The following SH3BGRL variants were observed in gnomAD, a reference collection of about 807,000 sequenced individuals.
SH3BGRL encodes adapter SH3BGRL.
In SH3BGRL, 7 loss-of-function variants were observed where a neutral mutation model predicts 9.8. That is an observed-to-expected ratio of 0.72 (90% CI 0.41 to 1.35). The LOEUF (loss-of-function observed/expected upper bound fraction) is 1.35. Ranked by LOEUF, SH3BGRL falls within the 40% of genes most tolerant of loss-of-function variation. SH3BGRL has a pLI of 0.01. For synonymous variants in SH3BGRL, 36 were observed against 29.1 expected (o/e 1.24, Z -0.76); for missense variants, 73 against 84.4 (o/e 0.86, Z 0.53).
intron 1 of SH3BGRL, chrX:81,202,695 C>T: frequency 3.3e-6 from 1 of 305,686 alleles, no homozygotes; most frequent in Non-Finnish European, 4.4e-6. Flanking sequence ...GAGTGGAGGC[C>T]TACCGAGGCA....
At chrX:81,205,950 CTGATGGTTAG>C (rs2075546562) in intron 1 of SH3BGRL, among the ~76,000 whole-genome samples, 1 of 111,184 alleles carries the variant, frequency 9.0e-6, no homozygotes. Context: ...TTGCATTTTC[CTGATGGTTAG>C]TGATGCGGAA....
chrX:81,272,502 CTTTTTTT>C (rs748353277), intron 1 of SH3BGRL, among the ~76,000 whole-genome samples: 1 of 95,671 alleles, frequency 1.0e-5, no homozygotes, highest in African/African-American at 3.8e-5. Flanking sequence ...TTTTTCTTTT[CTTTTTTT>C]TTTTTTTTTG....
At chrX:81,279,471 G>A (rs1229929988) in intron 3 of SH3BGRL, among the ~76,000 whole-genome samples, 1 of 111,070 alleles carries the variant, frequency 9.0e-6, no homozygotes, top group East Asian at 2.8e-4. Flanking sequence ...GAAGTGGACT[G>A]CTCATGTAGG....
At chrX:81,243,774 T>C (rs771086846) in intron 1 of SH3BGRL, among the ~76,000 whole-genome samples, 22 of 111,760 alleles carry the variant, frequency 2.0e-4, no homozygotes, top group Non-Finnish European at 3.2e-4. Context: ...ACATATATTC[T>C]AATATATTTA....
At chrX:81,277,221 A>G (rs777924799) in intron 2 of SH3BGRL, 52 bp downstream of exon 2, 14 of 1,052,161 alleles carry the variant, frequency 1.3e-5, no homozygotes, top group African/African-American at 1.9e-5. Flanking sequence ...CCCCAAATCT[A>G]TCCATTATTT....
chrX:81,219,626 T>C (rs969566790), intron 1 of SH3BGRL, among the ~76,000 whole-genome samples: 1 of 111,927 alleles, frequency 8.9e-6, no homozygotes, highest in African/African-American at 3.2e-5. Flanking sequence ...TTCTCTTGTC[T>C]GATTGCTCTA....
intron 3 of SH3BGRL, among the ~76,000 whole-genome samples, chrX:81,295,767 C>T (rs1399608401): frequency 9.0e-6 from 1 of 111,661 alleles, no homozygotes; most frequent in Non-Finnish European, 1.9e-5. Flanking sequence ...TCATCTTCAT[C>T]AGAGACCACC....
rs373042280 is a variant in SH3BGRL at position 81,252,706 on chromosome X, A to T, written c.46-24278A>T. ...CACATTCAAAGCCGTCCTGGGCCACATGTGGCCCTTGGGTCCCCGGTTGGA... is the reference window on the plus strand; with the variant it reads ...CACATTCAAAGCCGTCCTGGGCCACTTGTGGCCCTTGGGTCCCCGGTTGGA... On this transcript the variant is annotated intron_variant, in intron 1 of 3. Transcript: ENST00000373212. Among the ~76,000 whole-genome samples the T allele has an allele frequency of 2.5e-4, 28 of 112,395 alleles. 1 individual carries two copies. The East Asian group carries it at 4.5e-3, about 18-fold the overall frequency.
intron 1 of SH3BGRL, among the ~76,000 whole-genome samples, chrX:81,260,348 A>G (rs1410856384): frequency 9.0e-6 from 1 of 111,337 alleles, no homozygotes; most frequent in Non-Finnish European, 1.9e-5. Context: ...CTCTTTATCT[A>G]TGAATTTGGA....
chrX:81,202,406 A>G, intron 1 of SH3BGRL, 161 bp downstream of exon 1: 2 of 992,978 alleles, frequency 2.0e-6, no homozygotes, highest in Non-Finnish European at 2.5e-6. Flanking sequence ...CCTTTGTTGC[A>G]TCGATTTCAT....
At chrX:81,241,395 G>A (rs2075668991) in intron 1 of SH3BGRL, among the ~76,000 whole-genome samples, 1 of 112,135 alleles carries the variant, frequency 8.9e-6, no homozygotes, top group Non-Finnish European at 1.9e-5. Flanking sequence ...TCTGAAATCT[G>A]GGGGCCAGGC....
intron 1 of SH3BGRL, among the ~76,000 whole-genome samples, chrX:81,206,222 T>C (rs2075547578): frequency 1.8e-5 from 2 of 111,271 alleles, no homozygotes; most frequent in Non-Finnish European, 3.8e-5. Flanking sequence ...TAGCTTAATA[T>C]AGTTCCATTT....
intron 1 of SH3BGRL, among the ~76,000 whole-genome samples, chrX:81,238,744 C>T (rs1462355839): frequency 1.8e-5 from 2 of 108,878 alleles, no homozygotes; most frequent in African/African-American, 6.7e-5. Context: ...TGGTGGTGGC[C>T]ACAGGGGTAC....
intron 1 of SH3BGRL, among the ~76,000 whole-genome samples, chrX:81,236,572 G>T (rs1442478920): frequency 2.7e-5 from 3 of 111,407 alleles, no homozygotes. Context: ...GGATCCATGG[G>T]AATGCGACTC....
chrX:81,207,512 G>A (rs2075551046), intron 1 of SH3BGRL, among the ~76,000 whole-genome samples: 1 of 112,117 alleles, frequency 8.9e-6, no homozygotes, highest in Non-Finnish European at 1.9e-5. Flanking sequence ...TCTTCATTAT[G>A]TGGTTCTCAA....
chrX:81,250,656 T>C (rs2075706809), intron 1 of SH3BGRL, among the ~76,000 whole-genome samples: 1 of 112,029 alleles, frequency 8.9e-6, no homozygotes, highest in Admixed American at 9.4e-5. Context: ...AACTATTTTT[T>C]TTCTCCTCGG....
At chrX:81,203,428 T>C (rs752846679) in intron 1 of SH3BGRL, among the ~76,000 whole-genome samples, 2 of 112,235 alleles carry the variant, frequency 1.8e-5, no homozygotes, top group Non-Finnish European at 3.8e-5. Context: ...AATTTTGGAA[T>C]ATCAGAAAAT....
chrX:81,258,529 A>G (rs929761437), intron 1 of SH3BGRL, among the ~76,000 whole-genome samples: 1 of 112,457 alleles, frequency 8.9e-6, no homozygotes, highest in Non-Finnish European at 1.9e-5. Flanking sequence ...TCCAAGGCAT[A>G]TGATAGTGCT....
intron 1 of SH3BGRL, among the ~76,000 whole-genome samples, chrX:81,271,159 T>A (rs2075778067): frequency 1.8e-5 from 2 of 111,820 alleles, no homozygotes; most frequent in Non-Finnish European, 3.8e-5. Context: ...AACTCACAGC[T>A]TTCCTTGGCC....
Sources: gnomAD v4.1 joint callset for allele counts (sites outside exome capture counted in the v4.1 genomes callset) on GRCh38, gnomAD v4.1.1 for gene constraint, MANE v1.5 for transcripts, NCBI Gene and HGNC (gene_info 2026-07-23, HGNC 2026-07-21) for gene names.